EBF2: variants seen among roughly 807,000 people sequenced by gnomAD.
EBF2 encodes the protein transcription factor COE2.
Under a neutral mutation model 72.8 loss-of-function variants are expected in EBF2, and 21 were observed. That is an observed-to-expected ratio of 0.29 (90% CI 0.20 to 0.42). EBF2 has a LOEUF of 0.42. Ranked by LOEUF, EBF2 falls within the 10% of genes least tolerant of loss-of-function variation. The pLI is 1.00. For missense variants in EBF2, 637 were observed against 731.2 expected (o/e 0.87, Z 1.49); for synonymous variants, 299 against 274.2 (o/e 1.09, Z -0.89).
chr8:25,855,263 G>C (rs1055572168), intron 14 of EBF2, among the ~76,000 whole-genome samples: 1 of 152,086 alleles, frequency 6.6e-6, no homozygotes, highest in African/African-American at 2.4e-5. Flanking sequence ...TGCATTTTTT[G>C]GAGCTAAGGG....
chr8:25,926,300 A>G (rs1238689572), intron 6 of EBF2, among the ~76,000 whole-genome samples: 2 of 151,962 alleles, frequency 1.3e-5, no homozygotes, highest in African/African-American at 4.8e-5. Flanking sequence ...CCCCACTTTC[A>G]CTGGTGCCAT....
intron 6 of EBF2, among the ~76,000 whole-genome samples, chr8:25,944,000 C>T (rs1001953691): frequency 6.6e-6 from 1 of 152,150 alleles, no homozygotes; most frequent in African/African-American, 2.4e-5. Flanking sequence ...TGGTCTCCAA[C>T]CATCCCCGGA....
At chr8:25,855,337 G>A (rs1282546482) in intron 14 of EBF2, among the ~76,000 whole-genome samples, 2 of 152,116 alleles carry the variant, frequency 1.3e-5, no homozygotes, top group East Asian at 3.9e-4. Context: ...ATAAAAACTT[G>A]CACTGAGCTG....
At chr8:25,984,003 C>T (rs991132478) in intron 6 of EBF2, among the ~76,000 whole-genome samples, 8 of 152,182 alleles carry the variant, frequency 5.3e-5, no homozygotes, top group Admixed American at 3.9e-4. Context: ...CATTGGCCAC[C>T]CTGCCATGTG....
At chr8:25,884,008 C>T (rs1802646641) in intron 10 of EBF2, among the ~76,000 whole-genome samples, 5 of 152,096 alleles carry the variant, frequency 3.3e-5, no homozygotes, top group Admixed American at 3.3e-4. Flanking sequence ...ACTTCTCCAC[C>T]ATATCATGGT....
At chr8:26,033,526 G>A (rs1805443260) in intron 5 of EBF2, among the ~76,000 whole-genome samples, 1 of 152,204 alleles carries the variant, frequency 6.6e-6, no homozygotes, top group African/African-American at 2.4e-5. Flanking sequence ...TGTAGTGCCT[G>A]GCCACAAGAA....
chr8:25,932,584 T>C (rs536437612), intron 6 of EBF2, among the ~76,000 whole-genome samples: 37 of 152,306 alleles, frequency 2.4e-4, no homozygotes, highest in African/African-American at 8.9e-4. Flanking sequence ...TGCCAGCACA[T>C]GCAAAGGTTA....
intron 10 of EBF2, among the ~76,000 whole-genome samples, chr8:25,880,962 C>T (rs1043438967): frequency 1.3e-5 from 2 of 152,096 alleles, no homozygotes; most frequent in African/African-American, 4.8e-5. Flanking sequence ...TCCCCTCCTT[C>T]CCCTCCCCAA....
chr8:25,886,903 A>C (rs1312562183), intron 9 of EBF2, 22 bp from the exon 10 acceptor site: 8 of 1,609,818 alleles, frequency 5.0e-6, no homozygotes, highest in Non-Finnish European at 5.1e-6. Context: ...ACAGGCAGGG[A>C]AATAAAATAC....
Position 25,859,248 on chromosome 8 carries a change from T to C in EBF2, c.1343-744A>G, listed in dbSNP as rs116028672. Among the ~76,000 whole-genome samples, 1,199 of 152,328 alleles carry C rather than the reference T, an allele frequency of 7.9e-3. 15 individuals are homozygous for C. The highest frequency in any genetic ancestry group is 0.027 in the African/African-American group (1,139 of 41,570). ...CAGAAGGCCTAGAGAATAAATAAAC[T>C]GGTTTAACTTTGCTAGCCTAGTGTT... On this transcript the variant is annotated intron_variant, in intron 13 of 15. Transcript: ENST00000520164.
chr8:25,966,615 C>T (rs1292345867), intron 6 of EBF2, among the ~76,000 whole-genome samples: 2 of 152,168 alleles, frequency 1.3e-5, no homozygotes, highest in African/African-American at 2.4e-5. Flanking sequence ...TGAACAAGCC[C>T]GAGTTCTTTC....
chr8:26,044,619 A>G lies in EBF2; in HGVS notation c.131+110T>C, dbSNP rs1805670141. 2 of 1,471,882 alleles carry G rather than the reference A, an allele frequency of 1.4e-6. No homozygotes were observed. The highest frequency in any genetic ancestry group is 2.8e-5 in the African/African-American group (2 of 70,870). The allele number at this position is 1,471,882 out of a possible 1,614,324, so 91.2% of individuals were successfully genotyped here. A position where few individuals can be genotyped will look rare whatever the true frequency, so the allele number is the denominator to read the frequency against. ...CCAGCGCGCAGGGCCTGGGCGACAG[A>G]TGGGGGGACAGGGAGAGAGAAAGGC... On this transcript the variant is annotated intron_variant, in intron 1 of 15. Transcript: ENST00000520164. The surrounding 1 kb of genome is among the most constrained non-coding windows in gnomAD (Gnocchi z 4.1).
intron 4 of EBF2, among the ~76,000 whole-genome samples, 174 bp downstream of exon 4, chr8:26,040,442 G>GA (rs879043883): frequency 0.017 from 2,130 of 126,466 alleles, 23 homozygotes; most frequent in African/African-American, 0.018. Flanking sequence ...AGACAGGGAA[G>GA]AAAAAAAAAA....
At chr8:25,852,587 G>A (rs1005829580) in intron 14 of EBF2, among the ~76,000 whole-genome samples, 27 of 152,120 alleles carry the variant, frequency 1.8e-4, no homozygotes, top group African/African-American at 4.3e-4. Context: ...AGATTTCAAC[G>A]GAAAGCAGGG....
intron 6 of EBF2, among the ~76,000 whole-genome samples, chr8:25,940,633 TAA>T (rs111367567): frequency 6.5e-5 from 9 of 138,072 alleles, no homozygotes; most frequent in African/African-American, 2.4e-4. Flanking sequence ...AAAAAAAAAA[TAA>T]AAAAAAAACC....
chr8:25,901,421 C>CAA (rs10712723), intron 7 of EBF2, among the ~76,000 whole-genome samples: 9 of 111,120 alleles, frequency 8.1e-5, no homozygotes, highest in African/African-American at 2.3e-4. Flanking sequence ...CATCTTGTCT[C>CAA]AAAAAAAAAA....
Position 25,897,486 on chromosome 8 carries a change from T to C in EBF2, c.634-7617A>G, listed in dbSNP as rs147981067. On this transcript the variant is annotated intron_variant, in intron 7 of 15. Transcript: ENST00000520164. The stretch of plus-strand genomic sequence containing the variant: ...CCCAGGTAGTGAGCATAATTCCTAA[T>C]AGGTAGTTTTTCAGCCCTCTCCTCC... 6.8e-3 allele frequency among the ~76,000 whole-genome samples: 1,038 copies of C among 152,286 alleles called. 17 individuals carry two copies. Among genetic ancestry groups the C allele is most frequent in the African/African-American group, 0.024 (996 of 41,580 alleles).
intron 6 of EBF2, among the ~76,000 whole-genome samples, chr8:25,919,785 C>A (rs1293586326): frequency 2.6e-5 from 4 of 152,196 alleles, no homozygotes; most frequent in Non-Finnish European, 5.9e-5. Context: ...ATGTGAGCTG[C>A]CTTCTCTTCT....
intron 10 of EBF2, among the ~76,000 whole-genome samples, chr8:25,880,602 T>C (rs1802590833): frequency 6.6e-6 from 1 of 152,166 alleles, no homozygotes; most frequent in African/African-American, 2.4e-5. Flanking sequence ...TGCATGACAT[T>C]TCTATATGTT....
Sources: gnomAD v4.1 joint callset for allele counts (sites outside exome capture counted in the v4.1 genomes callset) on GRCh38, gnomAD v4.1.1 for gene constraint, Gnocchi (gnomAD v3.1) non-coding constraint, MANE v1.5 for transcripts, NCBI Gene and HGNC (gene_info 2026-07-23, HGNC 2026-07-21) for gene names.